The following PRKAG2 variants were observed in gnomAD, a reference collection of about 807,000 sequenced individuals.
The protein encoded by PRKAG2 is protein kinase AMP-activated non-catalytic subunit gamma 2.
A neutral mutation model predicts 69.6 loss-of-function variants in PRKAG2; 26 were observed. The ratio of observed to expected loss-of-function variants is 0.37; its 90% CI spans 0.27 to 0.52. PRKAG2 has a LOEUF of 0.52. Among genes scored for constraint, PRKAG2 ranks in the 20% least tolerant of loss-of-function variants. PRKAG2 has a pLI of 0.90. For synonymous variants in PRKAG2, 293 were observed against 285.0 expected (o/e 1.03, Z -0.28); for missense variants, 557 against 740.0 (o/e 0.75, Z 2.87).
At chr7:151,800,103 AT>A (rs2077752969) in intron 1 of PRKAG2, among the ~76,000 whole-genome samples, 1 of 151,976 alleles carries the variant, frequency 6.6e-6, no homozygotes, top group Non-Finnish European at 1.5e-5. Context: ...CATGCCTGTA[AT>A]CCCAGCACTT....
intron 1 of PRKAG2, among the ~76,000 whole-genome samples, chr7:151,832,599 G>GGGT (rs2079062576): frequency 1.3e-5 from 2 of 151,650 alleles, no homozygotes; most frequent in South Asian, 2.1e-4. Flanking sequence ...CATCTCTGGG[G>GGGT]GGGGGGTCCC....
At chr7:151,805,237 G>A (rs571488697) in intron 1 of PRKAG2, among the ~76,000 whole-genome samples, 59 of 152,306 alleles carry the variant, frequency 3.9e-4, no homozygotes, top group South Asian at 2.5e-3. Flanking sequence ...CAGCTGCCAC[G>A]TTAGGAATCT....
chr7:151,861,044 T>C (rs1403011840), intron 1 of PRKAG2, among the ~76,000 whole-genome samples: 4 of 152,184 alleles, frequency 2.6e-5, no homozygotes, highest in Admixed American at 1.3e-4. Context: ...GCCAAGCCCA[T>C]TTCTAAGCCT....
chr7:151,803,462 C>T (rs1450269644), intron 1 of PRKAG2, among the ~76,000 whole-genome samples: 2 of 152,150 alleles, frequency 1.3e-5, no homozygotes. Context: ...TTCCTTCCTA[C>T]CTCGAGTGTC....
chr7:151,641,543 C>T (rs901610165), intron 4 of PRKAG2, among the ~76,000 whole-genome samples: 12 of 150,414 alleles, frequency 8.0e-5, no homozygotes, highest in Non-Finnish European at 1.5e-4. Flanking sequence ...CCACCAGAAC[C>T]GGCCCTTTCT....
At chr7:151,684,459 T>C (rs993792503) in intron 3 of PRKAG2, among the ~76,000 whole-genome samples, 3 of 152,196 alleles carry the variant, frequency 2.0e-5, no homozygotes, top group Admixed American at 1.3e-4. Flanking sequence ...GAGGCTTGCT[T>C]CATTCTTTGA....
rs991659384 is a variant in PRKAG2, at chr7:151,735,863, C to T, written c.466+45289G>A. ...ACGCCGTGGGGTTCCCTCCCAAGGACAGACCACCAGGGGCTCGGGAATGGG... is the reference window on the plus strand; with the variant it reads ...ACGCCGTGGGGTTCCCTCCCAAGGATAGACCACCAGGGGCTCGGGAATGGG... On this transcript the variant is annotated intron_variant, in intron 3 of 15. Coordinates refer to ENST00000287878, the MANE Select transcript of PRKAG2 (RefSeq NM_016203.4). 10 of 1,535,908 alleles carry T rather than the reference C, an allele frequency of 6.5e-6. No homozygotes were observed. In the Admixed American group the frequency reaches 1.2e-4, roughly 18 times the overall value.
chr7:151,670,761 A>T (rs1353792599), intron 4 of PRKAG2, among the ~76,000 whole-genome samples: 1 of 152,252 alleles, frequency 6.6e-6, no homozygotes, highest in Non-Finnish European at 1.5e-5. Flanking sequence ...TAAATAAAAC[A>T]AACATTGGCC....
intron 1 of PRKAG2, chr7:151,806,606 G>C (rs1387211261): frequency 2.3e-5 from 4 of 175,932 alleles, no homozygotes; most frequent in Admixed American, 1.1e-4. Flanking sequence ...AAATGCTTGG[G>C]TGGACAATCC....
chr7:151,676,983 T>A (rs1404510607), intron 3 of PRKAG2, among the ~76,000 whole-genome samples: 1 of 152,224 alleles, frequency 6.6e-6, no homozygotes, highest in Admixed American at 6.5e-5. Context: ...AGAGGAATCC[T>A]CCCCTACAGG....
At chr7:151,725,958 G>C (rs2151658703) in intron 3 of PRKAG2, among the ~76,000 whole-genome samples, 1 of 152,308 alleles carries the variant, frequency 6.6e-6, no homozygotes, top group Non-Finnish European at 1.5e-5. Context: ...GTAGAGGCTG[G>C]TATAAGGAGT....
At chr7:151,702,277 C>T (rs1457414338) in intron 3 of PRKAG2, among the ~76,000 whole-genome samples, 1 of 152,230 alleles carries the variant, frequency 6.6e-6, no homozygotes, top group East Asian at 1.9e-4. Context: ...ACATCCTTTA[C>T]ATCCCTAGTG....
At chr7:151,749,509 A>G (rs922177156) in intron 3 of PRKAG2, among the ~76,000 whole-genome samples, 5 of 152,194 alleles carry the variant, frequency 3.3e-5, no homozygotes, top group African/African-American at 1.2e-4. Context: ...AGAGGACAAT[A>G]ATAAGAGAGT....
intron 2 of PRKAG2, among the ~76,000 whole-genome samples, chr7:151,784,457 C>T (rs530352156): frequency 1.0e-3 from 153 of 152,296 alleles, no homozygotes; most frequent in African/African-American, 3.6e-3. Flanking sequence ...ATAAATGGCC[C>T]GGAGCTGAAA....
chr7:151,728,714 C>A (rs535252605), intron 3 of PRKAG2, among the ~76,000 whole-genome samples: 1 of 152,310 alleles, frequency 6.6e-6, no homozygotes, highest in Admixed American at 6.5e-5. Context: ...CCCGGGCTCT[C>A]CAGAGGGCGG....
chr7:151,841,903 G>A (rs1482414529), intron 1 of PRKAG2, among the ~76,000 whole-genome samples: 3 of 150,166 alleles, frequency 2.0e-5, no homozygotes, highest in African/African-American at 4.9e-5. Context: ...AGGTAGTGAT[G>A]ATGGTAGTGA....
In PRKAG2 at chr7:151,557,039, A is replaced by C; in HGVS notation, c.*162T>G. The C allele has an allele frequency of 8.3e-7, 1 of 1,211,634 alleles. No homozygotes were observed. The highest frequency in any genetic ancestry group is 1.5e-5 in the African/African-American group (1 of 66,308). 75.1% of individuals were successfully genotyped at this position (1,211,634 alleles called of 1,614,324 possible). A position where few individuals can be genotyped will look rare whatever the true frequency, so the allele number is the denominator to read the frequency against. ...CAAGCCTGAATCTTCAAGCACATAA[A>C]ATCTTTCTTTTTTAAGCTTAATTTC... is the stretch of plus-strand genomic sequence containing the variant. On this transcript the variant is annotated 3_prime_UTR_variant, in exon 16 of 16. Coordinates refer to ENST00000287878, the MANE Select transcript of PRKAG2 (RefSeq NM_016203.4).
rs1476572690 is a variant in PRKAG2, at chr7:151,614,310, G to A, written c.754+17759C>T. 6.6e-6 allele frequency among the ~76,000 whole-genome samples: 1 copy of A among 152,122 alleles called. No homozygotes were observed. Among genetic ancestry groups the A allele is most frequent in the South Asian group, 2.1e-4 (1 of 4,830 alleles). Reference sequence around the variant, plus strand: ...GGGGCAGGGGCTGGCACCCCATGGCGATGGGGGAGCAGCAGCAGGGTGGCA... The same window carrying A: ...GGGGCAGGGGCTGGCACCCCATGGCAATGGGGGAGCAGCAGCAGGGTGGCA... On this transcript the variant is annotated intron_variant, in intron 5 of 15. Coordinates refer to ENST00000287878, the MANE Select transcript of PRKAG2 (RefSeq NM_016203.4). The surrounding 1 kb of genome is among the most constrained non-coding windows in gnomAD (Gnocchi z 4.4).
At chr7:151,696,498 G>A (rs1034620223) in intron 3 of PRKAG2, among the ~76,000 whole-genome samples, 12 of 152,102 alleles carry the variant, frequency 7.9e-5, no homozygotes, top group African/African-American at 2.9e-4. Flanking sequence ...GCCCAGGCCT[G>A]CCGGCGCCTC....
Sources: allele counts gnomAD v4.1 joint callset (sites outside exome capture counted in the v4.1 genomes callset), GRCh38; gene constraint gnomAD v4.1.1; non-coding constraint Gnocchi (gnomAD v3.1); transcripts MANE v1.5; gene names NCBI Gene and HGNC (gene_info 2026-07-23, HGNC 2026-07-21).